Variants in PLCB1 observed in about 807,000 individuals in gnomAD.
PLCB1 encodes the protein phospholipase C beta 1, also known as 1-phosphatidylinositol 4,5-bisphosphate phosphodiesterase beta-1.
In PLCB1, 46 loss-of-function variants were observed where a neutral mutation model predicts 161.8. The ratio of observed to expected loss-of-function variants is 0.28; its 90% CI spans 0.22 to 0.36. The LOEUF is 0.36. Ranked by LOEUF, PLCB1 falls within the 10% of genes least tolerant of loss-of-function variation. The pLI is 1.00. For synonymous variants in PLCB1, 517 were observed against 503.7 expected (o/e 1.03, Z -0.35); for missense variants, 1,016 against 1,472.5 (o/e 0.69, Z 5.07).
intron 3 of PLCB1, among the ~76,000 whole-genome samples, chr20:8,548,844 C>T (rs535245227): frequency 1.1e-4 from 17 of 152,320 alleles, no homozygotes; most frequent in African/African-American, 4.1e-4. Context: ...AGTTAAAGTG[C>T]TTTACTGAGC....
chr20:8,434,668 C>T (rs1980220037), intron 3 of PLCB1, among the ~76,000 whole-genome samples: 1 of 152,162 alleles, frequency 6.6e-6, no homozygotes. Flanking sequence ...TAGGAGTTAA[C>T]ACTGAAGTCT....
At chr20:8,320,309 A>G (rs1176553829) in intron 2 of PLCB1, among the ~76,000 whole-genome samples, 5 of 152,210 alleles carry the variant, frequency 3.3e-5, no homozygotes. Flanking sequence ...AGCAGTTAAT[A>G]CTATTTGTTA....
intron 3 of PLCB1, among the ~76,000 whole-genome samples, chr20:8,458,027 T>C (rs1308029763): frequency 6.6e-6 from 1 of 152,192 alleles, no homozygotes; most frequent in Admixed American, 6.5e-5. Flanking sequence ...AGGAAACCTT[T>C]AGAGTGAAAC....
Position 8,883,719 on chromosome 20 carries a change from C to T in PLCB1, c.*1870C>T, listed in dbSNP as rs1168701639. 1 of 151,826 alleles carries T rather than the reference C, an allele frequency of 6.6e-6. No individual in the cohort carries two copies. Among genetic ancestry groups the T allele is most frequent in the African/African-American group, 2.4e-5 (1 of 41,172 alleles). 9.4% of individuals were successfully genotyped at this position (151,826 alleles called of 1,614,324 possible). A position where few individuals can be genotyped will look rare whatever the true frequency, so the allele number is the denominator to read the frequency against. On this transcript the variant is annotated 3_prime_UTR_variant, in exon 32 of 32. Coordinates refer to ENST00000338037, the MANE Select transcript of PLCB1 (RefSeq NM_015192.4). ...ATTAAAAAAAACACATCTAGTAAGA[C>T]GTAAGGGGAAAATCACATCCTCTTT...
chr20:8,798,293 G>T (rs561247336), intron 31 of PLCB1, among the ~76,000 whole-genome samples: 11 of 152,100 alleles, frequency 7.2e-5, no homozygotes, highest in African/African-American at 2.2e-4. Context: ...ACCAGAAATA[G>T]AAAGTCCCCA....
chr20:8,159,643 A>G (rs2051600131), intron 2 of PLCB1, among the ~76,000 whole-genome samples: 1 of 152,138 alleles, frequency 6.6e-6, no homozygotes, highest in African/African-American at 2.4e-5. Context: ...ATAAAACTGA[A>G]TATCTTTAAC....
chr20:8,806,505 T>C lies in PLCB1; in HGVS notation c.3423+16244T>C, dbSNP rs567959867. ...CTCTACTTGCAAGCCATTCGGCTTATACATGTCAATGCTGTTTCAACAACA... is the reference window on the plus strand; with the variant it reads ...CTCTACTTGCAAGCCATTCGGCTTACACATGTCAATGCTGTTTCAACAACA... On this transcript the variant is annotated intron_variant, in intron 31 of 31. Coordinates refer to ENST00000338037, the MANE Select transcript of PLCB1 (RefSeq NM_015192.4). Among the ~76,000 whole-genome samples, 48 of 152,226 alleles carry C rather than the reference T, an allele frequency of 3.2e-4. 1 individual carries two copies. Among genetic ancestry groups the C allele is most frequent in the African/African-American group, 1.1e-3 (47 of 41,550 alleles).
chr20:8,687,054 C>T (rs1990377319), intron 10 of PLCB1, among the ~76,000 whole-genome samples: 1 of 151,682 alleles, frequency 6.6e-6, no homozygotes, highest in Admixed American at 6.6e-5. Flanking sequence ...GAGACAGGGC[C>T]TCACTCTGTT....
intron 20 of PLCB1, 73 bp downstream of exon 20, chr20:8,737,265 G>A: frequency 8.4e-7 from 1 of 1,190,368 alleles, no homozygotes; most frequent in Admixed American, 2.2e-5. Flanking sequence ...ATAATGAAAT[G>A]GTGAATTATT....
chr20:8,367,502 G>T (rs1986749545), intron 2 of PLCB1, among the ~76,000 whole-genome samples: 1 of 152,118 alleles, frequency 6.6e-6, no homozygotes, highest in Non-Finnish European at 1.5e-5. Flanking sequence ...CGGAAGGTAT[G>T]ATCATACCCA....
At chr20:8,449,834 A>G (rs1980994131) in intron 3 of PLCB1, among the ~76,000 whole-genome samples, 1 of 152,196 alleles carries the variant, frequency 6.6e-6, no homozygotes, top group Non-Finnish European at 1.5e-5. Flanking sequence ...GGGAGGAGTC[A>G]AAGTAAGATT....
In PLCB1 at chr20:8,773,879, C is replaced by T. The variant is rs536169650; in HGVS notation, c.2931-660C>T. Among the ~76,000 whole-genome samples the T allele has an allele frequency of 9.3e-5, 14 of 151,104 alleles. No homozygotes were observed. In the East Asian group the frequency reaches 2.3e-3, roughly 25 times the overall value. ...GTTCCAGCTACTCAGGAGGCTGAGGCAGGAGAATCACTCAAACGTGGGAGG... is the reference window on the plus strand; with the variant it reads ...GTTCCAGCTACTCAGGAGGCTGAGGTAGGAGAATCACTCAAACGTGGGAGG... On this transcript the variant is annotated intron_variant, in intron 26 of 31. Coordinates refer to ENST00000338037, the MANE Select transcript of PLCB1 (RefSeq NM_015192.4).
intron 1 of PLCB1, among the ~76,000 whole-genome samples, chr20:8,143,591 A>G (rs763915923): frequency 2.0e-5 from 3 of 152,254 alleles, no homozygotes; most frequent in Non-Finnish European, 4.4e-5. Flanking sequence ...GAGTATAGGA[A>G]GCATGGAAGG....
intron 11 of PLCB1, among the ~76,000 whole-genome samples, chr20:8,701,209 G>T (rs1312967139): frequency 6.6e-6 from 1 of 152,112 alleles, no homozygotes; most frequent in Non-Finnish European, 1.5e-5. Context: ...GAGAAACAGG[G>T]CACAAGGCCC....
intron 1 of PLCB1, among the ~76,000 whole-genome samples, chr20:8,135,972 A>G (rs547214011): frequency 1.5e-4 from 23 of 152,106 alleles, no homozygotes; most frequent in African/African-American, 5.1e-4. Flanking sequence ...GCCTTGGTCT[A>G]TATTGGGCAG....
intron 31 of PLCB1, among the ~76,000 whole-genome samples, chr20:8,828,560 T>C (rs1985826652): frequency 6.6e-6 from 1 of 152,200 alleles, no homozygotes; most frequent in South Asian, 2.1e-4. Context: ...TTATCTCTTA[T>C]TGGGACAGGC....
At chr20:8,146,954 A>G (rs1379054819) in intron 1 of PLCB1, among the ~76,000 whole-genome samples, 1 of 152,220 alleles carries the variant, frequency 6.6e-6, no homozygotes, top group Non-Finnish European at 1.5e-5. Context: ...ACAAACATTT[A>G]TCAGAAAAAA....
intron 1 of PLCB1, among the ~76,000 whole-genome samples, chr20:8,140,921 C>T (rs1333315636): frequency 6.6e-6 from 1 of 152,084 alleles, no homozygotes; most frequent in African/African-American, 2.4e-5. Flanking sequence ...GCCTCAGCCT[C>T]CTGAGTAGCT....
intron 2 of PLCB1, among the ~76,000 whole-genome samples, chr20:8,340,471 G>A (rs1440797880): frequency 3.3e-5 from 5 of 152,102 alleles, no homozygotes; most frequent in Non-Finnish European, 4.4e-5. Flanking sequence ...CGCCCAGGCT[G>A]GAGTGCAGTG....
Sources: allele counts gnomAD v4.1 joint callset (sites outside exome capture counted in the v4.1 genomes callset), GRCh38; gene constraint gnomAD v4.1.1; transcripts MANE v1.5; gene names NCBI Gene and HGNC (gene_info 2026-07-23, HGNC 2026-07-21).